HEMK2: variants seen among roughly 807,000 people sequenced by gnomAD.
HEMK2 encodes methyltransferase HEMK2.
chr21:28,815,058 T>C, the HEMK2 span, among the ~76,000 whole-genome samples: 1 of 152,008 alleles, frequency 6.6e-6, no homozygotes, highest in Non-Finnish European at 1.5e-5. Context: ...TCATAAAAAA[T>C]GATGAGTTCA....
the HEMK2 span, among the ~76,000 whole-genome samples, chr21:28,813,597 C>T: frequency 1.3e-5 from 2 of 152,078 alleles, no homozygotes; most frequent in South Asian, 4.1e-4. Context: ...TCATATGGAA[C>T]CAAAAAAGAG....
the HEMK2 span, among the ~76,000 whole-genome samples, chr21:28,642,412 A>G: frequency 2.6e-5 from 4 of 152,158 alleles, no homozygotes; most frequent in African/African-American, 9.7e-5. Context: ...AAATGCTGGA[A>G]GCATCCGGTC....
chr21:28,603,466 G>A, the HEMK2 span, among the ~76,000 whole-genome samples: 1 of 151,512 alleles, frequency 6.6e-6, no homozygotes, highest in Non-Finnish European at 1.5e-5. Flanking sequence ...TTATTTTACT[G>A]AGGATATATA....
chr21:28,766,342 A>G, the HEMK2 span, among the ~76,000 whole-genome samples: 1 of 152,086 alleles, frequency 6.6e-6, no homozygotes, highest in South Asian at 2.1e-4. Context: ...ATAATTAAAA[A>G]GTCAAAAAAC....
At chr21:28,717,715 G>A in the HEMK2 span, among the ~76,000 whole-genome samples, 68 of 152,072 alleles carry the variant, frequency 4.5e-4, no homozygotes, top group African/African-American at 1.5e-3. Context: ...CCTGACCTCA[G>A]GTGATCTGCC....
chr21:28,862,071 T>C, the HEMK2 span, among the ~76,000 whole-genome samples: 1 of 152,148 alleles, frequency 6.6e-6, no homozygotes, highest in Non-Finnish European at 1.5e-5. Flanking sequence ...TTGGTTGGGG[T>C]TACTGACCTG....
the HEMK2 span, among the ~76,000 whole-genome samples, chr21:28,755,496 A>G: frequency 2.0e-5 from 3 of 152,220 alleles, no homozygotes; most frequent in Non-Finnish European, 4.4e-5. Context: ...TGTTTCTACC[A>G]TAGAGTTTGT....
chr21:28,808,564 G>T, the HEMK2 span, among the ~76,000 whole-genome samples: 2 of 151,862 alleles, frequency 1.3e-5, no homozygotes, highest in African/African-American at 4.8e-5. Context: ...ATTTCCCTTG[G>T]CATTGCTTTG....
the HEMK2 span, among the ~76,000 whole-genome samples, chr21:28,719,414 C>T: frequency 2.9e-3 from 447 of 152,274 alleles, 8 homozygotes; most frequent in South Asian, 0.042. Context: ...CTCACAAGAT[C>T]TGATGGTTTT....
the HEMK2 span, among the ~76,000 whole-genome samples, chr21:28,863,656 A>C: frequency 2.6e-5 from 4 of 151,626 alleles, no homozygotes; most frequent in African/African-American, 9.7e-5. Context: ...GTATACACAG[A>C]GGGTGGCCAG....
At chr21:28,692,902 C>T in the HEMK2 span, among the ~76,000 whole-genome samples, 1 of 152,098 alleles carries the variant, frequency 6.6e-6, no homozygotes, top group Non-Finnish European at 1.5e-5. Flanking sequence ...CACAAAAGGC[C>T]ACATTTTGTA....
At chr21:28,605,919 C>CA in the HEMK2 span, among the ~76,000 whole-genome samples, 22 of 152,104 alleles carry the variant, frequency 1.4e-4, no homozygotes, top group East Asian at 3.3e-3. Flanking sequence ...GATATTTGGA[C>CA]AAAAAAATTG....
chr21:28,606,416 C>A, the HEMK2 span, among the ~76,000 whole-genome samples: 1 of 152,168 alleles, frequency 6.6e-6, no homozygotes, highest in Non-Finnish European at 1.5e-5. Context: ...GACTCTGTTG[C>A]CCTGCAACAG....
the HEMK2 span, among the ~76,000 whole-genome samples, chr21:28,673,088 GAGGA>G: frequency 6.6e-6 from 1 of 150,432 alleles, no homozygotes; most frequent in African/African-American, 2.4e-5. Context: ...AAGAGAGAGG[GAGGA>G]AGGAAGAAAG....
At chr21:28,866,795 T>C in the HEMK2 span, among the ~76,000 whole-genome samples, 1 of 152,136 alleles carries the variant, frequency 6.6e-6, no homozygotes, top group Non-Finnish European at 1.5e-5. Context: ...TTGCAAAATG[T>C]AGAGATTAGT....
At chr21:28,609,026 C>G in the HEMK2 span, among the ~76,000 whole-genome samples, 1 of 152,192 alleles carries the variant, frequency 6.6e-6, no homozygotes. Flanking sequence ...TATGGCCCCA[C>G]CCACCACCTG....
At chr21:28,739,907 C>A in the HEMK2 span, among the ~76,000 whole-genome samples, 1 of 152,066 alleles carries the variant, frequency 6.6e-6, no homozygotes, top group Non-Finnish European at 1.5e-5. Context: ...GAAATTTTTC[C>A]CGAAAGACCT....
chr21:28,850,890 A>AAGAGAAGGGG, the HEMK2 span, among the ~76,000 whole-genome samples: 1 of 152,120 alleles, frequency 6.6e-6, no homozygotes, highest in Non-Finnish European at 1.5e-5. Context: ...CAGGCTGGGG[A>AAGAGAAGGGG]AGAGAAGGGG....
chr21:28,787,241 A>G, the HEMK2 span, among the ~76,000 whole-genome samples: 3 of 152,228 alleles, frequency 2.0e-5, no homozygotes, highest in Non-Finnish European at 4.4e-5. Context: ...TAAACCTAAG[A>G]CCTGAAACTA....
Sources: allele counts gnomAD v4.1 joint callset (sites outside exome capture counted in the v4.1 genomes callset), GRCh38; gene constraint gnomAD v4.1.1; transcripts MANE v1.5; gene names NCBI Gene and HGNC (gene_info 2026-07-23, HGNC 2026-07-21).